The following PTN variants were observed in gnomAD, a reference collection of about 807,000 sequenced individuals.
PTN encodes the protein heparin affin regulatory protein.
Under a neutral mutation model 24.1 loss-of-function variants are expected in PTN, and 18 were observed. The observed-to-expected ratio is 0.75, with a 90% confidence interval of 0.52 to 1.11. The LOEUF (loss-of-function observed/expected upper bound fraction) is 1.11. Ranked by LOEUF, PTN falls within the 50% of genes least tolerant of loss-of-function variation. PTN has a pLI of 0.00. For missense variants in PTN, 163 were observed against 198.8 expected, an observed-to-expected ratio of 0.82 and a Z score of 1.08; for synonymous variants, 78 against 68.6, an observed-to-expected ratio of 1.14 and a Z score of -0.67.
rs759363009 is a variant in PTN at position 137,253,515 on chromosome 7, T to C, written c.238A>G (p.Met80Val). ...TRTGAECKQTMKTQRCKIPCN... is the reference protein window; with the variant it reads ...TRTGAECKQTVKTQRCKIPCN... ...GGGATCTTACATCTCTGGGTCTTCA[T>C]GGTTTGCTTGCACTCAGCTCCAGTC... The change falls in exon 3 of 5, where the codon ATG becomes GTG. Residue 80 changes from methionine to valine, a missense_variant. Physicochemically the swap from Met to Val is conservative, Grantham distance 21 (BLOSUM62 1). Transcript: ENST00000348225. 3 of 1,612,364 alleles carry C rather than the reference T, an allele frequency of 1.9e-6. No individual in the cohort carries two copies. The highest frequency in any genetic ancestry group is 1.1e-5 in the South Asian group (1 of 90,462).
intron 1 of PTN, among the ~76,000 whole-genome samples, chr7:137,283,229 C>T (rs1809501332): frequency 6.6e-6 from 1 of 152,110 alleles, no homozygotes; most frequent in East Asian, 1.9e-4. Flanking sequence ...TGGTTCCATA[C>T]GAGGAACAAA....
At chr7:137,319,644 A>G (rs1810130874) in intron 1 of PTN, among the ~76,000 whole-genome samples, 1 of 152,146 alleles carries the variant, frequency 6.6e-6, no homozygotes, top group Non-Finnish European at 1.5e-5. Context: ...CAGGATCTCA[A>G]AATGTCTCTG....
intron 1 of PTN, among the ~76,000 whole-genome samples, chr7:137,340,590 G>C (rs1810518282): frequency 6.6e-6 from 1 of 152,232 alleles, no homozygotes; most frequent in Non-Finnish European, 1.5e-5. Context: ...TCATATCTGA[G>C]TATCATCTTA....
intron 1 of PTN, among the ~76,000 whole-genome samples, chr7:137,277,157 C>G (rs980362811): frequency 6.6e-6 from 1 of 152,124 alleles, no homozygotes; most frequent in African/African-American, 2.4e-5. Context: ...AAAGAAGACA[C>G]ACAGATGGCA....
intron 1 of PTN, among the ~76,000 whole-genome samples, chr7:137,320,478 C>T (rs1345161420): frequency 1.3e-5 from 2 of 152,148 alleles, no homozygotes; most frequent in Non-Finnish European, 2.9e-5. Flanking sequence ...CTCTTCCTTG[C>T]ACAATCAAGT....
chr7:137,251,635 TACA>T (rs956082798), intron 3 of PTN, among the ~76,000 whole-genome samples: 2 of 149,046 alleles, frequency 1.3e-5, no homozygotes, highest in African/African-American at 5.2e-5. Flanking sequence ...ACTATTAATA[TACA>T]GTCCCAATAC....
At chr7:137,309,818 A>G (rs1809950493) in intron 1 of PTN, among the ~76,000 whole-genome samples, 1 of 152,202 alleles carries the variant, frequency 6.6e-6, no homozygotes, top group Non-Finnish European at 1.5e-5. Flanking sequence ...TGCTTCCTGC[A>G]CTGAAGTCAT....
At chr7:137,246,949 TA>T (rs1808733607) in intron 4 of PTN, among the ~76,000 whole-genome samples, 1 of 152,154 alleles carries the variant, frequency 6.6e-6, no homozygotes, top group African/African-American at 2.4e-5. Context: ...GTAGGATAAA[TA>T]AAATGTATGC....
intron 1 of PTN, among the ~76,000 whole-genome samples, chr7:137,263,646 G>T (rs943370809): frequency 6.6e-6 from 1 of 152,054 alleles, no homozygotes. Context: ...TTGCTTAGGG[G>T]GCTATTCATT....
At chr7:137,343,036 T>G (rs554950567) in intron 1 of PTN, among the ~76,000 whole-genome samples, 1 of 152,112 alleles carries the variant, frequency 6.6e-6, no homozygotes, top group Non-Finnish European at 1.5e-5. Context: ...AAATGAGAGC[T>G]GCTTGTTCAG....
rs2128884686 is a variant in PTN, at chr7:137,343,377, A to G, written c.-2+62T>C. ...ATCTGCTGGCACCCAGAAAAGTGGCACAGGGTGAAGGCAAACTCGATCGAA... is the reference window on the plus strand; with the variant it reads ...ATCTGCTGGCACCCAGAAAAGTGGCGCAGGGTGAAGGCAAACTCGATCGAA... On this transcript the variant is annotated intron_variant, in intron 1 of 4. Coordinates refer to ENST00000348225, the MANE Select transcript of PTN (RefSeq NM_002825.7). The G allele has an allele frequency of 6.9e-6, 3 of 437,894 alleles. No homozygotes were observed. The East Asian group carries it at 1.9e-4, about 28-fold the overall frequency. 27.1% of individuals were successfully genotyped at this position (437,894 alleles called of 1,614,324 possible).
At chr7:137,292,310 T>A (rs1013474920) in intron 1 of PTN, among the ~76,000 whole-genome samples, 1 of 152,178 alleles carries the variant, frequency 6.6e-6, no homozygotes, top group African/African-American at 2.4e-5. Flanking sequence ...TGGCTCTGTG[T>A]CCCCACACAA....
intron 4 of PTN, among the ~76,000 whole-genome samples, chr7:137,243,869 G>C (rs6946427): frequency 0.019 from 2,927 of 152,240 alleles, 37 homozygotes; most frequent in Middle Eastern, 0.031. Flanking sequence ...CTAGATCAGT[G>C]ACATGTGGTG....
In PTN at chr7:137,252,676, A is replaced by G. The variant is rs559578580; in HGVS notation, c.289+788T>C. Among the ~76,000 whole-genome samples the G allele has an allele frequency of 1.2e-4, 19 of 152,006 alleles. No individual in the cohort carries two copies. In the South Asian group the frequency reaches 2.9e-3, roughly 23 times the overall value. ...CTTCCTCACTTGTCTATGGGCCACA[A>G]TGCATTTCCATAGAACACAGATAGG... On this transcript the variant is annotated intron_variant, in intron 3 of 4. Transcript: ENST00000348225.
chr7:137,320,432 A>C (rs1810144978), intron 1 of PTN, among the ~76,000 whole-genome samples: 1 of 152,200 alleles, frequency 6.6e-6, no homozygotes, highest in African/African-American at 2.4e-5. Context: ...CACTTCTAGG[A>C]AATTTAGTAC....
chr7:137,335,329 G>A (rs956592947), intron 1 of PTN, among the ~76,000 whole-genome samples: 4 of 152,208 alleles, frequency 2.6e-5, no homozygotes, highest in Non-Finnish European at 5.9e-5. Context: ...GGAGGCCCAA[G>A]TGCAACATCT....
intron 1 of PTN, among the ~76,000 whole-genome samples, chr7:137,267,399 G>T (rs1248628266): frequency 6.6e-6 from 1 of 151,762 alleles, no homozygotes; most frequent in Non-Finnish European, 1.5e-5. Context: ...ACTACTGTTG[G>T]GGGGAAGGGG....
intron 1 of PTN, among the ~76,000 whole-genome samples, chr7:137,327,272 A>C (rs1562971878): frequency 6.6e-6 from 1 of 152,108 alleles, no homozygotes. Flanking sequence ...ACCTTCAGTG[A>C]TTCCTTACAA....
chr7:137,283,134 C>A (rs1480883106), intron 1 of PTN, among the ~76,000 whole-genome samples: 1 of 152,110 alleles, frequency 6.6e-6, no homozygotes, highest in Non-Finnish European at 1.5e-5. Context: ...TAGGAAGTGT[C>A]CACATGGGTA....
Sources: allele counts gnomAD v4.1 joint callset (sites outside exome capture counted in the v4.1 genomes callset), GRCh38; gene constraint gnomAD v4.1.1; transcripts MANE v1.5; gene names NCBI Gene and HGNC (gene_info 2026-07-23, HGNC 2026-07-21).